LRBA: variants seen among roughly 807,000 people sequenced by gnomAD.
The protein encoded by LRBA is lipopolysaccharide-responsive and beige-like anchor protein.
Under a neutral mutation model 330.0 loss-of-function variants are expected in LRBA, and 176 were observed. That is an observed-to-expected ratio of 0.53 (90% CI 0.47 to 0.60). The LOEUF is 0.60. LRBA is among the 20% of genes least tolerant of loss of function. The pLI is 0.00. For synonymous variants in LRBA, 1,230 were observed against 1,193.0 expected, an observed-to-expected ratio of 1.03 and a Z score of -0.64; for missense variants, 3,259 against 3,444.8, an observed-to-expected ratio of 0.95 and a Z score of 1.35.
chr4:150,603,219 T>A (rs1052241924), intron 37 of LRBA, among the ~76,000 whole-genome samples: 1 of 152,192 alleles, frequency 6.6e-6, no homozygotes, highest in East Asian at 1.9e-4. Flanking sequence ...GTGGAACATA[T>A]GTCTTTAAAA....
chr4:150,287,920 A>G (rs980911867), intron 53 of LRBA, among the ~76,000 whole-genome samples: 1 of 152,218 alleles, frequency 6.6e-6, no homozygotes, highest in Non-Finnish European at 1.5e-5. Context: ...GAAATTTGGG[A>G]AAATTTTAAA....
intron 38 of LRBA, among the ~76,000 whole-genome samples, chr4:150,592,178 T>TGCAGCTTC (rs1772966343): frequency 9.0e-6 from 1 of 111,294 alleles, no homozygotes; most frequent in Admixed American, 1.4e-4. Context: ...TTTGCTCCAC[T>TGCAGCTTC]GCAGCTTCTG....
At chr4:150,630,817 A>G (rs972266957) in intron 37 of LRBA, among the ~76,000 whole-genome samples, 1 of 152,156 alleles carries the variant, frequency 6.6e-6, no homozygotes, top group Non-Finnish European at 1.5e-5. Flanking sequence ...TTTAACTCTA[A>G]GGTAACTACC....
intron 46 of LRBA, among the ~76,000 whole-genome samples, chr4:150,428,925 A>C (rs1449451748): frequency 6.6e-6 from 1 of 152,076 alleles, no homozygotes; most frequent in Non-Finnish European, 1.5e-5. Context: ...CCTTGCTCAG[A>C]ACCCTCTTCC....
chr4:150,806,363 G>C lies in LRBA; in HGVS notation c.5426C>G (p.Pro1809Arg), dbSNP rs1221665081. The C allele has an allele frequency of 6.2e-7, 1 of 1,610,318 alleles. No individual in the cohort carries two copies. The highest frequency in any genetic ancestry group is 1.7e-5 in the Admixed American group (1 of 59,490). Reference sequence around the variant, plus strand: ...ATCCACAAAAATCTCACGAAGGAGAGGAGCTGCCTTTTCCAAAGCGTGTTC... The same window carrying C: ...ATCCACAAAAATCTCACGAAGGAGACGAGCTGCCTTTTCCAAAGCGTGTTC... ...RLEHALEKAA[P>R]LLREIFVDFA... Residue 1809 changes from proline to arginine, a missense_variant, in exon 33 of 57, where the codon CCT becomes CGT. Transcript: ENST00000651943.
At chr4:150,298,548 C>T (rs1729250295) in intron 53 of LRBA, among the ~76,000 whole-genome samples, 1 of 152,052 alleles carries the variant, frequency 6.6e-6, no homozygotes, top group South Asian at 2.1e-4. Context: ...GCAGCTATGG[C>T]ATACAGTACT....
chr4:150,658,508 TCC>T (rs869244120), intron 37 of LRBA, among the ~76,000 whole-genome samples: 23 of 596 alleles, frequency 0.039, 3 homozygotes, highest in African/African-American at 0.031. Context: ...AATAAAAGTC[TCC>T]CTCTCCCTCT....
chr4:150,705,027 A>T (rs977187743), intron 36 of LRBA, among the ~76,000 whole-genome samples: 4 of 152,188 alleles, frequency 2.6e-5, no homozygotes, highest in African/African-American at 9.6e-5. Context: ...AATTCACATG[A>T]AGTGATGTAT....
chr4:150,438,868 G>T (rs1397809691), intron 44 of LRBA, among the ~76,000 whole-genome samples: 1 of 151,904 alleles, frequency 6.6e-6, no homozygotes, highest in Admixed American at 6.6e-5. Flanking sequence ...GTATGTTAAG[G>T]CATTTTTTCC....
intron 42 of LRBA, among the ~76,000 whole-genome samples, chr4:150,482,405 T>C (rs1757391496): frequency 6.6e-6 from 1 of 152,146 alleles, no homozygotes; most frequent in African/African-American, 2.4e-5. Context: ...ATAGATTCCA[T>C]TGTATGGATT....
chr4:150,974,187 G>T (rs1393516139), intron 2 of LRBA, among the ~76,000 whole-genome samples: 1 of 152,182 alleles, frequency 6.6e-6, no homozygotes, highest in Non-Finnish European at 1.5e-5. Context: ...GTGACACCTT[G>T]AGACAATGAA....
intron 2 of LRBA, among the ~76,000 whole-genome samples, chr4:150,942,186 A>T (rs1380688965): frequency 6.6e-6 from 1 of 152,176 alleles, no homozygotes; most frequent in Non-Finnish European, 1.5e-5. Context: ...GAATTCTAAA[A>T]TGTTTTCACC....
chr4:150,356,811 C>T (rs1205586575), intron 47 of LRBA, among the ~76,000 whole-genome samples: 1 of 151,836 alleles, frequency 6.6e-6, no homozygotes, highest in Non-Finnish European at 1.5e-5. Context: ...AAACACAATG[C>T]TTCAGAGTTC....
chr4:150,618,848 GTATATA>G (rs34589903), intron 37 of LRBA, among the ~76,000 whole-genome samples: 7,486 of 145,698 alleles, frequency 0.051, 277 homozygotes, highest in East Asian at 0.2. Flanking sequence ...ATGTGTGTAT[GTATATA>G]TATATATATA....
chr4:150,857,396 C>A (rs1319441020), intron 22 of LRBA, among the ~76,000 whole-genome samples: 3 of 152,116 alleles, frequency 2.0e-5, no homozygotes, highest in Non-Finnish European at 2.9e-5. Context: ...AGAACACTGA[C>A]AAAAGAATAT....
intron 37 of LRBA, among the ~76,000 whole-genome samples, chr4:150,616,729 C>G (rs987979427): frequency 6.6e-6 from 1 of 152,098 alleles, no homozygotes; most frequent in Non-Finnish European, 1.5e-5. Context: ...ATAAATCTTT[C>G]AGTTATTCAA....
chr4:150,313,340 A>G (rs1473375583), intron 51 of LRBA, among the ~76,000 whole-genome samples: 2 of 152,182 alleles, frequency 1.3e-5, no homozygotes, highest in Admixed American at 6.6e-5. Flanking sequence ...CTGAGTATCA[A>G]TTCACTCTGA....
At chr4:150,790,301 G>C (rs557786079) in intron 34 of LRBA, among the ~76,000 whole-genome samples, 11 of 152,200 alleles carry the variant, frequency 7.2e-5, no homozygotes, top group Admixed American at 7.2e-4. Flanking sequence ...TAGTGTGCTG[G>C]TGAATCCATA....
chr4:150,814,862 G>GC (rs2126756249), intron 31 of LRBA, among the ~76,000 whole-genome samples: 1 of 151,972 alleles, frequency 6.6e-6, no homozygotes, highest in East Asian at 1.9e-4. Context: ...TCTGCATACA[G>GC]TTTTTCAAAG....
Sources: gnomAD v4.1 joint callset for allele counts (sites outside exome capture counted in the v4.1 genomes callset) on GRCh38, gnomAD v4.1.1 for gene constraint, MANE v1.5 for transcripts, NCBI Gene and HGNC (gene_info 2026-07-23, HGNC 2026-07-21) for gene names.